Variants in FOXP2 observed in about 807,000 individuals in gnomAD.
The protein encoded by FOXP2 is forkhead box P2, also known as forkhead box protein P2.
Under a neutral mutation model 115.8 loss-of-function variants are expected in FOXP2, and 12 were observed. The observed-to-expected ratio is 0.10, with a 90% confidence interval of 0.07 to 0.17. The LOEUF (loss-of-function observed/expected upper bound fraction) is 0.17, where lower values mean the gene tolerates loss of function less well. Ranked by LOEUF, FOXP2 falls within the 10% of genes least tolerant of loss-of-function variation. The pLI, the probability that FOXP2 is intolerant of heterozygous loss-of-function variation, is 1.00. For missense variants in FOXP2, 629 were observed against 843.5 expected, an observed-to-expected ratio of 0.75 and a Z score of 3.15; for synonymous variants, 328 against 297.7, an observed-to-expected ratio of 1.10 and a Z score of -1.05.
chr7:114,193,030 G>A (rs928706076), intron 1 of FOXP2, among the ~76,000 whole-genome samples: 1 of 151,874 alleles, frequency 6.6e-6, no homozygotes, highest in Non-Finnish European at 1.5e-5. Flanking sequence ...TTAGACCAGT[G>A]GTCCTCCATA....
intron 3 of FOXP2, among the ~76,000 whole-genome samples, chr7:114,574,883 G>C (rs763414871): frequency 2.0e-5 from 3 of 151,790 alleles, no homozygotes; most frequent in Non-Finnish European, 4.4e-5. Flanking sequence ...CCTAGCCTTG[G>C]TATAACTGCT....
rs554468930 is a variant in FOXP2, at chr7:114,374,491, A to G, written c.-10-52011A>G. On this transcript the variant is annotated intron_variant, in intron 2 of 17. Coordinates refer to the FOXP2 transcript ENST00000634411. Reference sequence around the variant, plus strand: ...TTAACAATGTGCAAAATGGTCAACTAGAGACTGGAAGGACCCAAAGTGTGT... The same window carrying G: ...TTAACAATGTGCAAAATGGTCAACTGGAGACTGGAAGGACCCAAAGTGTGT... Among the ~76,000 whole-genome samples, 22 of 152,296 alleles carry G rather than the reference A, an allele frequency of 1.4e-4. No homozygotes were observed. In the South Asian group the frequency reaches 4.6e-3, roughly 32 times the overall value.
At chr7:114,557,801 T>TTATG (rs1347205554) in intron 3 of FOXP2, among the ~76,000 whole-genome samples, 1 of 146,416 alleles carries the variant, frequency 6.8e-6, no homozygotes, top group African/African-American at 2.7e-5. Flanking sequence ...ATTTATTTAT[T>TTATG]TATTTATTTA....
intron 2 of FOXP2, among the ~76,000 whole-genome samples, chr7:114,345,417 T>C (rs962991311): frequency 1.3e-5 from 2 of 151,858 alleles, no homozygotes; most frequent in Non-Finnish European, 2.9e-5. Context: ...CTTACAATTA[T>C]TTAGTCTCCA....
chr7:114,162,014 C>T (rs1206316885), upstream of FOXP2, among the ~76,000 whole-genome samples: 1 of 152,126 alleles, frequency 6.6e-6, no homozygotes, highest in Non-Finnish European at 1.5e-5. Flanking sequence ...AACCCCTGAG[C>T]TCAAGTGATC....
chr7:114,569,782 T>C (rs1801199680), intron 3 of FOXP2, among the ~76,000 whole-genome samples: 2 of 151,980 alleles, frequency 1.3e-5, no homozygotes, highest in East Asian at 1.9e-4. Flanking sequence ...CATGTAGTCA[T>C]GTAAAGCATA....
intron 6 of FOXP2, among the ~76,000 whole-genome samples, chr7:114,636,301 T>C (rs1453936720): frequency 6.6e-6 from 1 of 152,190 alleles, no homozygotes; most frequent in Non-Finnish European, 1.5e-5. Flanking sequence ...GCCATGTATG[T>C]ATACCAGTTT....
At chr7:114,385,605 C>T (rs1361952114) in intron 2 of FOXP2, among the ~76,000 whole-genome samples, 4 of 152,244 alleles carry the variant, frequency 2.6e-5, no homozygotes, top group East Asian at 3.9e-4. Context: ...AAGCCCTTCC[C>T]CAGATAGCCT....
At chr7:114,088,000 C>T (rs1331224198) in intron 1 of FOXP2, among the ~76,000 whole-genome samples, 1 of 152,022 alleles carries the variant, frequency 6.6e-6, no homozygotes, top group Non-Finnish European at 1.5e-5. Flanking sequence ...TGGGACGCTC[C>T]GCAGAATCCG....
chr7:114,450,433 T>A (rs1459565782), intron 2 of FOXP2, among the ~76,000 whole-genome samples: 3 of 152,124 alleles, frequency 2.0e-5, no homozygotes, highest in African/African-American at 7.2e-5. Flanking sequence ...TTCAAATATA[T>A]AGCTTGAGGG....
intron 2 of FOXP2, among the ~76,000 whole-genome samples, chr7:114,477,044 A>G (rs188415798): frequency 5.0e-4 from 76 of 152,168 alleles, no homozygotes; most frequent in African/African-American, 1.8e-3. Flanking sequence ...ATGCTTATAC[A>G]TTGTTGGTGG....
intron 2 of FOXP2, among the ~76,000 whole-genome samples, chr7:114,344,541 G>A (rs766623714): frequency 1.4e-4 from 22 of 151,800 alleles, no homozygotes; most frequent in Non-Finnish European, 2.9e-4. Flanking sequence ...GTAATCTGGG[G>A]TTTAGTGCCA....
At chr7:114,464,963 C>T (rs1054164598) in intron 2 of FOXP2, among the ~76,000 whole-genome samples, 3 of 152,096 alleles carry the variant, frequency 2.0e-5, no homozygotes, top group African/African-American at 4.8e-5. Context: ...CCAAATGTTC[C>T]AAATTTCTAT....
At position 114,663,436 on chromosome 7, in the gene FOXP2, A is replaced by T. The variant is rs554154151; in HGVS notation, c.1770-14A>T. 175 of 1,409,184 alleles carry T rather than the reference A, an allele frequency of 1.2e-4. No homozygotes were observed. The highest frequency in any genetic ancestry group is 1.2e-3 in the African/African-American group (81 of 69,986). The allele number at this position is 1,409,184 out of a possible 1,614,324, so 87.3% of individuals were successfully genotyped here. ...TTTGACGTATAAATGATCTTTATAT[A>T]TTTTTTTTTTCAGAAGTCCAACCTT... is the stretch of plus-strand genomic sequence containing the variant. On this transcript the variant is annotated splice_polypyrimidine_tract_variant and intron_variant, in intron 14 of 16. Coordinates refer to ENST00000350908, the MANE Select transcript of FOXP2 (RefSeq NM_014491.4).
At chr7:114,197,494 C>T (rs1401615947) in intron 1 of FOXP2, among the ~76,000 whole-genome samples, 1 of 152,048 alleles carries the variant, frequency 6.6e-6, no homozygotes, top group Admixed American at 6.6e-5. Flanking sequence ...TGGGCTTCAC[C>T]CTCATGACCT....
At chr7:114,150,185 A>G (rs1792495340) in intron 1 of FOXP2, among the ~76,000 whole-genome samples, 2 of 152,014 alleles carry the variant, frequency 1.3e-5, no homozygotes, top group Admixed American at 1.3e-4. Context: ...CTGAGCCTCA[A>G]TTATTTTAGG....
At chr7:114,126,871 C>T (rs1309963043) in intron 1 of FOXP2, among the ~76,000 whole-genome samples, 1 of 152,136 alleles carries the variant, frequency 6.6e-6, no homozygotes, top group African/African-American at 2.4e-5. Context: ...TTCACTTTTT[C>T]TTTTCTTTTG....
chr7:114,567,053 T>A (rs1043398655), intron 3 of FOXP2, among the ~76,000 whole-genome samples: 1 of 152,180 alleles, frequency 6.6e-6, no homozygotes, highest in Middle Eastern at 3.4e-3. Context: ...TTTACTCATA[T>A]AGGAGAGTCT....
intron 2 of FOXP2, among the ~76,000 whole-genome samples, chr7:114,465,574 A>G (rs919569335): frequency 7.9e-5 from 12 of 152,218 alleles, no homozygotes; most frequent in Admixed American, 2.6e-4. Context: ...CTAAAGGGTT[A>G]GTAAACCACC....
Sources: gnomAD v4.1 joint callset for allele counts (sites outside exome capture counted in the v4.1 genomes callset) on GRCh38, gnomAD v4.1.1 for gene constraint, MANE v1.5 for transcripts, NCBI Gene and HGNC (gene_info 2026-07-23, HGNC 2026-07-21) for gene names.